The following KIRREL3 variants were observed in gnomAD, a reference collection of about 807,000 sequenced individuals.
The protein encoded by KIRREL3 is kirre like nephrin family adhesion molecule 3.
A neutral mutation model predicts 89.7 loss-of-function variants in KIRREL3; 36 were observed. The observed-to-expected ratio is 0.40, with a 90% CI of 0.31 to 0.53. The LOEUF (loss-of-function observed/expected upper bound fraction) is 0.53, where lower values mean the gene tolerates loss of function less well. Among genes scored for constraint, KIRREL3 ranks in the 20% least tolerant of loss-of-function variants. KIRREL3 has a pLI of 0.49. For missense variants in KIRREL3, 864 were observed against 1,056.6 expected (o/e 0.82, Z 2.53); for synonymous variants, 445 against 441.4 (o/e 1.01, Z -0.10).
chr11:126,612,524 T>C lies in KIRREL3; in HGVS notation c.56-49612A>G, dbSNP rs1165399498. Reference sequence around the variant, plus strand: ...CGTTAAAAAAGAGATGTTGTTCATATAACATAACATTTTCCCCTTTAAAAT... The same window carrying C: ...CGTTAAAAAAGAGATGTTGTTCATACAACATAACATTTTCCCCTTTAAAAT... On this transcript the variant is annotated intron_variant, in intron 1 of 16. Coordinates refer to ENST00000525144, the MANE Select transcript of KIRREL3 (RefSeq NM_032531.4). The surrounding 1 kb of genome is among the most constrained non-coding windows in gnomAD (Gnocchi z 4.5). 6.6e-6 allele frequency among the ~76,000 whole-genome samples: 1 copy of C among 152,246 alleles called. No homozygotes were observed. The highest frequency in any genetic ancestry group is 1.9e-4 in the East Asian group (1 of 5,198).
At chr11:126,631,097 T>C (rs1944001174) in intron 1 of KIRREL3, among the ~76,000 whole-genome samples, 1 of 150,872 alleles carries the variant, frequency 6.6e-6, no homozygotes, top group South Asian at 2.1e-4. Context: ...TTCATTCAGT[T>C]GTCTGTGCAA....
Position 126,837,936 on chromosome 11 carries a change from T to C in KIRREL3, c.55+162519A>G, listed in dbSNP as rs1565340246. Among the ~76,000 whole-genome samples the C allele has an allele frequency of 6.6e-6, 1 of 152,218 alleles. No homozygotes were observed. The highest frequency in any genetic ancestry group is 1.9e-4 in the East Asian group (1 of 5,194). ...GTCTAGGATATAATCTGTAGTTAAA[T>C]GCATAGTTGATTTATCATTATCTTG... On this transcript the variant is annotated intron_variant, in intron 1 of 16. Coordinates refer to ENST00000525144, the MANE Select transcript of KIRREL3 (RefSeq NM_032531.4). The surrounding 1 kb of genome is among the most constrained non-coding windows in gnomAD (Gnocchi z 4.7).
At chr11:126,637,441 T>A (rs2134912115) in intron 1 of KIRREL3, among the ~76,000 whole-genome samples, 1 of 152,330 alleles carries the variant, frequency 6.6e-6, no homozygotes, top group Non-Finnish European at 1.5e-5. Context: ...GCACTATGGG[T>A]CAGCCTCTGG....
chr11:126,587,405 G>T lies in KIRREL3; in HGVS notation c.56-24493C>A, dbSNP rs1273030706. Among the ~76,000 whole-genome samples, 1 of 152,170 alleles carries T rather than the reference G, an allele frequency of 6.6e-6. No individual in the cohort carries two copies. The highest frequency in any genetic ancestry group is 1.5e-5 in the Non-Finnish European group (1 of 68,034). ...GAGGCAGAGAGGTAAGCCAGGAGTA[G>T]TTTGCAGACCCCTGGCTGGGCAGCT... On this transcript the variant is annotated intron_variant, in intron 1 of 16. Transcript: ENST00000525144. This position sits in a 1 kb window ranked among gnomAD's most constrained non-coding sequence, Gnocchi z 5.2.
chr11:126,517,622 C>A (rs1164860453), intron 4 of KIRREL3, among the ~76,000 whole-genome samples: 5 of 152,182 alleles, frequency 3.3e-5, no homozygotes. Context: ...GCTGTTTAAG[C>A]CACCCTAATC....
At chr11:126,700,850 C>T (rs1383584548) in intron 1 of KIRREL3, among the ~76,000 whole-genome samples, 1 of 152,254 alleles carries the variant, frequency 6.6e-6, no homozygotes, top group Non-Finnish European at 1.5e-5. Flanking sequence ...CCCACACCCT[C>T]CTCAGCAGTC....
At chr11:126,480,768 T>C (rs1311457068) in intron 4 of KIRREL3, among the ~76,000 whole-genome samples, 1 of 152,236 alleles carries the variant, frequency 6.6e-6, no homozygotes, top group Non-Finnish European at 1.5e-5. Context: ...TGGCTCGCAG[T>C]TGGTGCTTTG....
At chr11:126,887,386 T>G (rs896496246) in intron 1 of KIRREL3, among the ~76,000 whole-genome samples, 1 of 152,096 alleles carries the variant, frequency 6.6e-6, no homozygotes, top group African/African-American at 2.4e-5. Flanking sequence ...CAAGAAGCAT[T>G]ACTGATTATG....
intron 1 of KIRREL3, among the ~76,000 whole-genome samples, chr11:126,893,079 A>G (rs1218857197): frequency 3.3e-5 from 5 of 152,158 alleles, no homozygotes; most frequent in African/African-American, 9.7e-5. Flanking sequence ...AGTACAGGAG[A>G]AGAACAGTGT....
rs1940892645 is a variant in KIRREL3, at chr11:126,571,081, T to A, written c.56-8169A>T. ...TGGTGAGGCTTGCCGTACACCTCCA[T>A]GTTGGTGCTTGTTGGTGCGTCGTGC... On this transcript the variant is annotated intron_variant, in intron 1 of 16. Transcript: ENST00000525144. This position sits in a 1 kb window ranked among gnomAD's most constrained non-coding sequence, Gnocchi z 7.7. Among the ~76,000 whole-genome samples the A allele has an allele frequency of 6.6e-6, 1 of 152,306 alleles. No individual in the cohort carries two copies. The highest frequency in any genetic ancestry group is 2.4e-5 in the African/African-American group (1 of 41,566).
chr11:126,804,333 T>C (rs1263187892), intron 1 of KIRREL3, among the ~76,000 whole-genome samples: 3 of 152,062 alleles, frequency 2.0e-5, no homozygotes, highest in East Asian at 3.9e-4. Flanking sequence ...GAGGCGAGAG[T>C]GGAGAAGCCT....
rs1286726340 is a variant in KIRREL3 at position 126,844,253 on chromosome 11, C to T, written c.55+156202G>A. Among the ~76,000 whole-genome samples, 1 of 152,098 alleles carries T rather than the reference C, an allele frequency of 6.6e-6. No individual in the cohort carries two copies. The highest frequency in any genetic ancestry group is 2.4e-5 in the African/African-American group (1 of 41,412). On this transcript the variant is annotated intron_variant, in intron 1 of 16. Transcript: ENST00000525144. This position sits in a 1 kb window ranked among gnomAD's most constrained non-coding sequence, Gnocchi z 4.8. The stretch of plus-strand genomic sequence containing the variant: ...CACAGAAGAGACAATACTGAGAAAA[C>T]CCCGACCCAAATGCTAACTTTGGGT...
chr11:126,559,379 A>G (rs1317450883), intron 2 of KIRREL3, among the ~76,000 whole-genome samples: 1 of 152,350 alleles, frequency 6.6e-6, no homozygotes. Flanking sequence ...TATGTGCAAG[A>G]CACTGGGCGA....
At chr11:126,749,770 A>G (rs1418242720) in intron 1 of KIRREL3, among the ~76,000 whole-genome samples, 1 of 152,156 alleles carries the variant, frequency 6.6e-6, no homozygotes, top group Non-Finnish European at 1.5e-5. Context: ...TGCTGTGATC[A>G]TTTTCATAAC....
rs1269484019 is a variant in KIRREL3 at position 126,491,378 on chromosome 11, G to C, written c.434-17912C>G. Among the ~76,000 whole-genome samples, 2 of 152,174 alleles carry C rather than the reference G, an allele frequency of 1.3e-5. No homozygotes were observed. The highest frequency in any genetic ancestry group is 4.8e-5 in the African/African-American group (2 of 41,444). Reference sequence around the variant, plus strand: ...TGATGGGTGGGGACACTTGCTCTCAGGGGGAAAGAAAGCGCCCTCTCTTCC... The same window carrying C: ...TGATGGGTGGGGACACTTGCTCTCACGGGGAAAGAAAGCGCCCTCTCTTCC... On this transcript the variant is annotated intron_variant, in intron 4 of 16. Transcript: ENST00000525144. The surrounding 1 kb of genome is among the most constrained non-coding windows in gnomAD (Gnocchi z 5.5).
chr11:126,851,094 T>A (rs1944325442), intron 1 of KIRREL3, among the ~76,000 whole-genome samples: 1 of 152,164 alleles, frequency 6.6e-6, no homozygotes. Flanking sequence ...TGGGGTTGGG[T>A]AGGAAAAGAA....
rs1950213155 is a variant in KIRREL3, at chr11:126,997,630, T to G, written c.55+2825A>C. Among the ~76,000 whole-genome samples, 1 of 152,164 alleles carries G rather than the reference T, an allele frequency of 6.6e-6. No individual in the cohort carries two copies. The highest frequency in any genetic ancestry group is 1.5e-5 in the Non-Finnish European group (1 of 68,024). On this transcript the variant is annotated intron_variant, in intron 1 of 16. Coordinates refer to ENST00000525144, the MANE Select transcript of KIRREL3 (RefSeq NM_032531.4). This position sits in a 1 kb window ranked among gnomAD's most constrained non-coding sequence, Gnocchi z 4.3. ...CTCTCTAAAAGGTTATAAGAAAAAG[T>G]AAAGGTAAACAAACATTTGACAAAT...
At chr11:126,598,436 T>A (rs1942498392) in intron 1 of KIRREL3, among the ~76,000 whole-genome samples, 2 of 152,214 alleles carry the variant, frequency 1.3e-5, no homozygotes, top group Non-Finnish European at 1.5e-5. Flanking sequence ...ATGCGAATAT[T>A]CAGAGATCAC....
At chr11:126,804,447 C>G (rs1415291430) in intron 1 of KIRREL3, among the ~76,000 whole-genome samples, 1 of 152,156 alleles carries the variant, frequency 6.6e-6, no homozygotes, top group Non-Finnish European at 1.5e-5. Context: ...AAGATTCTCT[C>G]CTATGGTAAA....
Sources: gnomAD v4.1 joint callset for allele counts (sites outside exome capture counted in the v4.1 genomes callset) on GRCh38, gnomAD v4.1.1 for gene constraint, Gnocchi (gnomAD v3.1) non-coding constraint, MANE v1.5 for transcripts, NCBI Gene and HGNC (gene_info 2026-07-23, HGNC 2026-07-21) for gene names.